The following OXR1 variants were observed in gnomAD, a reference collection of about 807,000 sequenced individuals.
The protein encoded by OXR1 is oxidation resistance 1, also known as oxidation resistance protein 1.
OXR1 carries 41 observed loss-of-function variants against 104.6 expected under a neutral mutation model. The ratio of observed to expected loss-of-function variants is 0.39; its 90% CI spans 0.31 to 0.51. The LOEUF is 0.51. Ranked by LOEUF, OXR1 falls within the 20% of genes least tolerant of loss-of-function variation. The pLI is 0.77. For missense variants in OXR1, 955 were observed against 1,031.9 expected (o/e 0.93, Z 1.02); for synonymous variants, 348 against 348.4 (o/e 1.00, Z 0.01).
intron 2 of OXR1, among the ~76,000 whole-genome samples, chr8:106,504,414 C>A (rs1459735860): frequency 6.6e-6 from 1 of 152,138 alleles, no homozygotes; most frequent in African/African-American, 2.4e-5. Context: ...TTAAGCTTAT[C>A]TTAGGTGAAG....
intron 3 of OXR1, among the ~76,000 whole-genome samples, chr8:106,670,116 A>T (rs1178435673): frequency 1.3e-5 from 2 of 152,168 alleles, no homozygotes; most frequent in Admixed American, 1.3e-4. Flanking sequence ...GGCTGTGGGT[A>T]TAATGGAACC....
intron 3 of OXR1, among the ~76,000 whole-genome samples, chr8:106,616,032 T>A (rs1821195085): frequency 5.1e-5 from 1 of 19,432 alleles, no homozygotes. Flanking sequence ...AACACCTTCT[T>A]TTTTTTTTTT....
intron 11 of OXR1, among the ~76,000 whole-genome samples, chr8:106,728,666 ATAACT>A (rs1349287172): frequency 2.6e-5 from 4 of 152,158 alleles, no homozygotes; most frequent in African/African-American, 9.7e-5. Flanking sequence ...GTTTATTCTG[ATAACT>A]TAAACTTTAA....
chr8:106,493,630 A>G (rs987118088), intron 2 of OXR1, among the ~76,000 whole-genome samples: 1 of 152,166 alleles, frequency 6.6e-6, no homozygotes. Flanking sequence ...GGGACTCTCT[A>G]CACATGAATG....
intron 3 of OXR1, among the ~76,000 whole-genome samples, chr8:106,636,315 A>ATT (rs11348392): frequency 6.7e-6 from 1 of 148,700 alleles, no homozygotes. Context: ...AAAGCACATC[A>ATT]TTTTTTTTTT....
chr8:106,605,736 T>C (rs1293109310), intron 3 of OXR1, among the ~76,000 whole-genome samples: 1 of 151,074 alleles, frequency 6.6e-6, no homozygotes, highest in African/African-American at 2.4e-5. Context: ...GAGGTGGAGG[T>C]TGCAGTGAGC....
intron 2 of OXR1, among the ~76,000 whole-genome samples, chr8:106,436,127 G>A (rs957651582): frequency 6.6e-6 from 1 of 151,766 alleles, no homozygotes; most frequent in African/African-American, 2.4e-5. Context: ...AAAAAAATTA[G>A]AGCTAGTAAT....
chr8:106,576,441 T>C (rs1274129310), intron 3 of OXR1, among the ~76,000 whole-genome samples: 3 of 143,012 alleles, frequency 2.1e-5, no homozygotes, highest in Non-Finnish European at 3.0e-5. Flanking sequence ...CAGTTATTTG[T>C]GCTTATAATG....
intron 2 of OXR1, among the ~76,000 whole-genome samples, chr8:106,511,337 C>T (rs575661633): frequency 3.9e-5 from 6 of 152,188 alleles, no homozygotes; most frequent in African/African-American, 1.4e-4. Flanking sequence ...CTTGGAAAAC[C>T]TGCATTCTCA....
intron 2 of OXR1, among the ~76,000 whole-genome samples, chr8:106,424,660 C>A (rs1819036814): frequency 6.6e-6 from 1 of 152,044 alleles, no homozygotes; most frequent in South Asian, 2.1e-4. Context: ...AAATTATGGA[C>A]CATGGGGTAT....
chr8:106,402,548 T>C (rs2130479261), intron 2 of OXR1, among the ~76,000 whole-genome samples: 1 of 152,332 alleles, frequency 6.6e-6, no homozygotes, highest in Admixed American at 6.5e-5. Context: ...ATTGGTCACC[T>C]GATATCCATA....
intron 1 of OXR1, among the ~76,000 whole-genome samples, chr8:106,339,492 CAAAAAAAAAA>C (rs562959605): frequency 2.1e-3 from 16 of 7,566 alleles, no homozygotes; most frequent in East Asian, 5.0e-3. Context: ...AGACTCCATC[CAAAAAAAAAA>C]AAAAAAAAAA....
intron 3 of OXR1, among the ~76,000 whole-genome samples, chr8:106,527,528 T>G (rs182719426): frequency 2.6e-5 from 4 of 152,352 alleles, no homozygotes; most frequent in Admixed American, 2.6e-4. Context: ...TGTAATTCTG[T>G]ATGATGTATC....
intron 3 of OXR1, among the ~76,000 whole-genome samples, chr8:106,574,457 C>T (rs758871162): frequency 1.1e-4 from 16 of 152,256 alleles, no homozygotes; most frequent in Non-Finnish European, 2.2e-4. Flanking sequence ...AATGTTGCCA[C>T]ATCACTTCTG....
At chr8:106,336,629 C>CT (rs546704294) in intron 1 of OXR1, among the ~76,000 whole-genome samples, 55 of 152,334 alleles carry the variant, frequency 3.6e-4, no homozygotes, top group African/African-American at 1.3e-3. Context: ...GTCTTGCCCC[C>CT]TCTACCCACT....
chr8:106,340,470 A>G (rs937772872), intron 1 of OXR1, among the ~76,000 whole-genome samples: 4 of 152,190 alleles, frequency 2.6e-5, no homozygotes, highest in Non-Finnish European at 4.4e-5. Flanking sequence ...GCCTAAGTAT[A>G]ATTTTCCTAG....
At position 106,702,911 on chromosome 8, in the gene OXR1, A is replaced by T; in HGVS notation, c.681A>T (p.Thr227=). 6.2e-7 allele frequency: 1 copy of T among 1,612,178 alleles called. No individual in the cohort carries two copies. The highest frequency in any genetic ancestry group is 1.1e-5 in the South Asian group (1 of 90,864). The change falls in exon 8 of 17, where the codon ACA becomes ACT. Residue 227 remains threonine (T), a synonymous_variant. Transcript: ENST00000517566. Reference sequence around the variant, plus strand: ...ACTTTCTTTTTTCACCTTAGGGCACAGTCAGTGGTGTGCTGCTAGTTACAC... The same window carrying T: ...ACTTTCTTTTTTCACCTTAGGGCACTGTCAGTGGTGTGCTGCTAGTTACAC... The part of the protein sequence containing the change: ...NCKYITSGKG[T]VSGVLLVTPN...
At chr8:106,588,093 A>T (rs1347344877) in intron 3 of OXR1, among the ~76,000 whole-genome samples, 1 of 151,764 alleles carries the variant, frequency 6.6e-6, no homozygotes, top group Admixed American at 6.6e-5. Context: ...CTGGGACTAC[A>T]GGCACCCGCC....
At chr8:106,620,766 A>G (rs2130843412) in intron 3 of OXR1, among the ~76,000 whole-genome samples, 1 of 152,334 alleles carries the variant, frequency 6.6e-6, no homozygotes, top group Admixed American at 6.5e-5. Context: ...CTAAAGAAGG[A>G]AATAATACAA....
Sources: allele counts gnomAD v4.1 joint callset (sites outside exome capture counted in the v4.1 genomes callset), GRCh38; gene constraint gnomAD v4.1.1; transcripts MANE v1.5; gene names NCBI Gene and HGNC (gene_info 2026-07-23, HGNC 2026-07-21).